Variants in MAST4 observed in about 807,000 individuals in gnomAD.
The protein encoded by MAST4 is microtubule associated serine/threonine kinase family member 4, also known as microtubule-associated serine/threonine-protein kinase 4.
Under a neutral mutation model 162.7 loss-of-function variants are expected in MAST4, and 89 were observed. That is an observed-to-expected ratio of 0.55 (90% CI 0.46 to 0.65). The LOEUF (loss-of-function observed/expected upper bound fraction) is 0.65, where lower values mean the gene tolerates loss of function less well. Ranked by LOEUF, MAST4 falls within the 30% of genes least tolerant of loss-of-function variation. The pLI, the probability that MAST4 is intolerant of heterozygous loss-of-function variation, is 0.00. For missense variants in MAST4, 3,153 were observed against 3,374.0 expected (o/e 0.93, Z 1.62); for synonymous variants, 1,479 against 1,361.1 (o/e 1.09, Z -1.91).
intron 1 of MAST4, among the ~76,000 whole-genome samples, chr5:66,711,586 G>C: frequency 6.6e-6 from 1 of 152,150 alleles, no homozygotes; most frequent in Non-Finnish European, 1.5e-5. Flanking sequence ...TGTAATCCCA[G>C]CAATTTGGGA....
chr5:66,907,787 T>C (rs10056426), intron 4 of MAST4, among the ~76,000 whole-genome samples: 19,430 of 152,108 alleles, frequency 0.13, 1,519 homozygotes, highest in African/African-American at 0.2. Context: ...TTACTTGAAT[T>C]GCATTTGTGA....
At chr5:66,677,302 A>G (rs934761339) in intron 1 of MAST4, among the ~76,000 whole-genome samples, 11 of 152,296 alleles carry the variant, frequency 7.2e-5, no homozygotes, top group East Asian at 1.9e-4. Flanking sequence ...TACAACGGCA[A>G]TCACCAGAAA....
chr5:66,904,577 A>C (rs1376625508), intron 4 of MAST4, among the ~76,000 whole-genome samples: 2 of 152,160 alleles, frequency 1.3e-5, no homozygotes, highest in Non-Finnish European at 2.9e-5. Flanking sequence ...GGGATCTATA[A>C]AATTATCTGC....
intron 2 of MAST4, among the ~76,000 whole-genome samples, chr5:66,775,037 A>ATG (rs1420751055): frequency 6.8e-5 from 5 of 73,942 alleles, no homozygotes; most frequent in African/African-American, 2.5e-4. Flanking sequence ...GTGTGTGTGT[A>ATG]TGTGTGTGTT....
At chr5:66,935,931 G>A (rs1000448441) in intron 4 of MAST4, among the ~76,000 whole-genome samples, 38 of 152,230 alleles carry the variant, frequency 2.5e-4, no homozygotes, top group African/African-American at 9.1e-4. Context: ...GCCTCCCAAA[G>A]TGCTGGGATT....
intron 4 of MAST4, among the ~76,000 whole-genome samples, chr5:66,926,007 A>G (rs1005936591): frequency 2.6e-5 from 4 of 151,938 alleles, no homozygotes; most frequent in Admixed American, 6.6e-5. Context: ...CTACTGATTA[A>G]TGTTTGACCA....
chr5:66,680,282 C>G (rs974898377), intron 1 of MAST4, among the ~76,000 whole-genome samples: 1 of 152,186 alleles, frequency 6.6e-6, no homozygotes, highest in Non-Finnish European at 1.5e-5. Flanking sequence ...AGGATTCACT[C>G]GTTTGTAATC....
At chr5:67,099,999 C>T (rs1327836084) in intron 7 of MAST4, among the ~76,000 whole-genome samples, 1 of 152,102 alleles carries the variant, frequency 6.6e-6, no homozygotes, top group Non-Finnish European at 1.5e-5. Context: ...GCCTTATTGA[C>T]GATCTCATAT....
chr5:67,037,561 A>AT (rs1561561018), intron 4 of MAST4, among the ~76,000 whole-genome samples: 3 of 152,196 alleles, frequency 2.0e-5, no homozygotes, highest in African/African-American at 4.8e-5. Context: ...GATCTTATCA[A>AT]TTTTTAATAA....
chr5:67,058,217 GGAGATAGTATCA>G (rs1759095614), intron 5 of MAST4, among the ~76,000 whole-genome samples: 1 of 152,170 alleles, frequency 6.6e-6, no homozygotes, highest in Admixed American at 6.5e-5. Flanking sequence ...CATGGGTGGA[GGAGATAGTATCA>G]TTCACCTAGC....
chr5:66,734,251 G>A (rs751826953), intron 1 of MAST4, among the ~76,000 whole-genome samples: 1 of 152,164 alleles, frequency 6.6e-6, no homozygotes, highest in Non-Finnish European at 1.5e-5. Flanking sequence ...CTTTTGGGGG[G>A]CTTTTAGTGA....
At chr5:66,622,783 T>C (rs1467322797) in intron 1 of MAST4, 1 of 152,154 alleles carries the variant, frequency 6.6e-6, no homozygotes, top group Non-Finnish European at 1.5e-5. Context: ...GTGCCATTTA[T>C]GGAGTGGGGA....
chr5:66,763,549 ATAT>A (rs1186879695), intron 2 of MAST4, among the ~76,000 whole-genome samples: 3 of 152,186 alleles, frequency 2.0e-5, no homozygotes, highest in East Asian at 1.9e-4. Flanking sequence ...CTGCTTAAAC[ATAT>A]TATGGTACGC....
intron 4 of MAST4, among the ~76,000 whole-genome samples, chr5:67,043,664 A>ATATCAAAT (rs1459214024): frequency 6.6e-6 from 1 of 152,218 alleles, no homozygotes. Context: ...GGAAAAAGAT[A>ATATCAAAT]TATCAAATTG....
At chr5:66,860,386 A>G (rs1210163875) in intron 3 of MAST4, among the ~76,000 whole-genome samples, 1 of 152,204 alleles carries the variant, frequency 6.6e-6, no homozygotes, top group Admixed American at 6.5e-5. Context: ...TATTGAGGCA[A>G]TAAAAAATGC....
rs971700141 is a variant in MAST4, at chr5:67,049,007, A to AC, written c.675-5396dup. On this transcript the variant is annotated intron_variant, in intron 4 of 28. Coordinates refer to ENST00000403625, the MANE Select transcript of MAST4 (RefSeq NM_001164664.2). ...TATATGTATATATATATATACACAC[A>AC]CATATATATATATACGTATATATAT... is the stretch of plus-strand genomic sequence containing the variant. 3.2e-4 allele frequency among the ~76,000 whole-genome samples: 40 copies of AC among 125,462 alleles called. 1 individual carries two copies. The highest frequency in any genetic ancestry group is 1.2e-3 in the African/African-American group (39 of 32,358). The allele number at this position is 125,462 out of a possible 152,430, so 82.3% of individuals were successfully genotyped here. A position where few individuals can be genotyped will look rare whatever the true frequency, so the allele number is the denominator to read the frequency against.
chr5:66,980,093 A>G (rs1005365699), intron 4 of MAST4, among the ~76,000 whole-genome samples: 3 of 152,216 alleles, frequency 2.0e-5, no homozygotes, highest in African/African-American at 7.2e-5. Context: ...CTTTTTGGAT[A>G]TAAAGAAATG....
chr5:67,085,138 C>T (rs1041870953), intron 5 of MAST4, among the ~76,000 whole-genome samples: 2 of 152,174 alleles, frequency 1.3e-5, no homozygotes, highest in African/African-American at 4.8e-5. Context: ...TATTCTCCCT[C>T]AGTCTTCTCC....
At chr5:67,052,458 T>C (rs1758300888) in intron 4 of MAST4, among the ~76,000 whole-genome samples, 1 of 152,134 alleles carries the variant, frequency 6.6e-6, no homozygotes, top group South Asian at 2.1e-4. Flanking sequence ...CATGTTTTCA[T>C]TTTTTAAAAA....
Sources: allele counts gnomAD v4.1 joint callset (sites outside exome capture counted in the v4.1 genomes callset), GRCh38; gene constraint gnomAD v4.1.1; transcripts MANE v1.5; gene names NCBI Gene and HGNC (gene_info 2026-07-23, HGNC 2026-07-21).